COL6A6: variants seen among roughly 807,000 people sequenced by gnomAD.
COL6A6 encodes the protein collagen alpha-6(VI) chain.
Under a neutral mutation model 208.6 loss-of-function variants are expected in COL6A6, and 183 were observed. That is an observed-to-expected ratio of 0.88 (90% CI 0.78 to 0.99). COL6A6 has a LOEUF of 0.99. Ranked by LOEUF, COL6A6 falls within the 50% of genes least tolerant of loss-of-function variation. The pLI is 0.00. For missense variants in COL6A6, 2,816 were observed against 2,815.2 expected (o/e 1.00, Z -0.01); for synonymous variants, 973 against 1,011.8 (o/e 0.96, Z 0.73).
intron 1 of COL6A6, among the ~76,000 whole-genome samples, chr3:130,552,126 C>T (rs1343140024): frequency 6.6e-5 from 10 of 152,044 alleles, no homozygotes; most frequent in Middle Eastern, 3.2e-3. Context: ...TTGCTTTTGG[C>T]TGGAGAGTTC....
At chr3:130,650,610 CAAA>C (rs3074296) in intron 33 of COL6A6, among the ~76,000 whole-genome samples, 11 of 127,968 alleles carry the variant, frequency 8.6e-5, no homozygotes, top group African/African-American at 2.8e-4. Context: ...CCTCTGTCTC[CAAA>C]AAAAAAAAGA....
chr3:130,599,655 G>A (rs1022606251), intron 19 of COL6A6, 102 bp from the exon 20 acceptor site: 20 of 1,127,654 alleles, frequency 1.8e-5, no homozygotes, highest in Non-Finnish European at 2.5e-5. Flanking sequence ...TCTCATTGGT[G>A]TGTGAACCTA....
In COL6A6 at chr3:130,568,114, C is replaced by T. The variant is rs772150743; in HGVS notation, c.1911C>T (p.Asn637=). 2 of 1,613,986 alleles carry T rather than the reference C, an allele frequency of 1.2e-6. No homozygotes were observed. The highest frequency in any genetic ancestry group is 2.2e-5 in the South Asian group (2 of 91,086). Residue 637 remains asparagine, a synonymous_variant, in exon 6 of 37, where the codon AAC becomes AAT. Coordinates refer to ENST00000358511, the MANE Select transcript of COL6A6 (RefSeq NM_001102608.3). The stretch of plus-strand genomic sequence containing the variant: ...GTTCTGGAAGTATAGGACCTGAAAA[C>T]TTCAGCAAAATGAAAACATTTATGA... ...VDSSGSIGPE[N]FSKMKTFMKN... is the part of the protein sequence containing the mutation.
intron 1 of COL6A6, among the ~76,000 whole-genome samples, chr3:130,529,469 A>G (rs1286096093): frequency 6.6e-6 from 1 of 152,156 alleles, no homozygotes; most frequent in Non-Finnish European, 1.5e-5. Flanking sequence ...TGCAGATTGT[A>G]TGATGATATG....
At position 130,599,828 on chromosome 3, in the gene COL6A6, C is replaced by T; in HGVS notation, c.4653+18C>T. 1 of 1,612,762 alleles carries T rather than the reference C, an allele frequency of 6.2e-7. No homozygotes were observed. On this transcript the variant is annotated intron_variant, in intron 20 of 36. Transcript: ENST00000358511. ...GAAAGACAGTAAGAGCCCTTCTAGACAAGGAGACCCACTGTTTTGGTGGCT... is the reference window on the plus strand; with the variant it reads ...GAAAGACAGTAAGAGCCCTTCTAGATAAGGAGACCCACTGTTTTGGTGGCT...
chr3:130,561,630 T>C (rs1198803234), intron 2 of COL6A6, among the ~76,000 whole-genome samples: 1 of 139,722 alleles, frequency 7.2e-6, no homozygotes, highest in Non-Finnish European at 1.5e-5. Flanking sequence ...TCTAGTTGAA[T>C]CTACTTTTTT....
chr3:130,518,203 A>G (rs1376741349), intron 1 of COL6A6, among the ~76,000 whole-genome samples: 1 of 152,122 alleles, frequency 6.6e-6, no homozygotes, highest in Non-Finnish European at 1.5e-5. Flanking sequence ...GTGATAGGAG[A>G]GAGGGGTGGT....
chr3:130,552,962 A>G (rs1466470604), intron 1 of COL6A6, among the ~76,000 whole-genome samples: 1 of 152,252 alleles, frequency 6.6e-6, no homozygotes, highest in Non-Finnish European at 1.5e-5. Flanking sequence ...AATGCTGAAT[A>G]ATATAGGCCT....
rs188911769 is a variant in COL6A6 at position 130,594,344 on chromosome 3, G to C, written c.4533+1G>C. 1 of 1,611,890 alleles carries C rather than the reference G, an allele frequency of 6.2e-7. No individual in the cohort carries two copies. Among genetic ancestry groups the C allele is most frequent in the Non-Finnish European group, 8.5e-7 (1 of 1,178,830 alleles). ...AGCAAAGGGCCTGCGAGGGGATCCCGTAAGTGCACGGGCTGCAAACTGGAG... is the reference window on the plus strand; with the variant it reads ...AGCAAAGGGCCTGCGAGGGGATCCCCTAAGTGCACGGGCTGCAAACTGGAG... On this transcript the variant is annotated splice_donor_variant, in intron 18 of 36. Transcript: ENST00000358511. LOFTEE classifies it high-confidence loss of function.
At chr3:130,634,513 G>C in intron 26 of COL6A6, 77 bp from the exon 27 acceptor site, 7 of 1,287,088 alleles carry the variant, frequency 5.4e-6, no homozygotes. Context: ...ACACAGGGCA[G>C]CAGGTAAATT....
At chr3:130,599,993 T>C (rs1400208443) in intron 20 of COL6A6, among the ~76,000 whole-genome samples, 183 bp downstream of exon 20, 1 of 151,822 alleles carries the variant, frequency 6.6e-6, no homozygotes, top group Non-Finnish European at 1.5e-5. Context: ...GAAGCTGAGG[T>C]AGGAAAGTGC....
chr3:130,560,230 C>G, intron 1 of COL6A6, 104 bp from the exon 2 acceptor site: 2 of 611,466 alleles, frequency 3.3e-6, no homozygotes, highest in Middle Eastern at 2.8e-4. Context: ...ATTCCTTGTC[C>G]CCTGTTACAC....
intron 26 of COL6A6, among the ~76,000 whole-genome samples, chr3:130,629,761 G>T (rs1483142898): frequency 2.0e-4 from 1 of 5,062 alleles, no homozygotes; most frequent in Non-Finnish European, 2.5e-4. Context: ...TTAAAGAAAA[G>T]AATTTTCAAC....
Position 130,622,024 on chromosome 3 carries a change from C to G in COL6A6, c.4878+141C>G. 4.5e-6 allele frequency: 3 copies of G among 668,088 alleles called. No homozygotes were observed. The South Asian group carries it at 5.7e-5, about 13-fold the overall frequency. 41.4% of individuals were successfully genotyped at this position (668,088 alleles called of 1,614,324 possible). On this transcript the variant is annotated intron_variant, in intron 24 of 36. Transcript: ENST00000358511. The stretch of plus-strand genomic sequence containing the variant: ...AAACCCTGGCTTGATTCTTAGAGAG[C>G]CAACAACCTCTAAGGACATGGGTGT...
At chr3:130,604,273 C>T (rs1386175940) in intron 20 of COL6A6, among the ~76,000 whole-genome samples, 2 of 151,862 alleles carry the variant, frequency 1.3e-5, no homozygotes, top group Admixed American at 6.5e-5. Flanking sequence ...GCGGGCGGAT[C>T]ATGAGGTCAG....
At chr3:130,593,548 A>G (rs1250285167) in intron 17 of COL6A6, among the ~76,000 whole-genome samples, 4 of 152,206 alleles carry the variant, frequency 2.6e-5, no homozygotes, top group Admixed American at 1.3e-4. Context: ...TGCCCATGGC[A>G]GAAGCACAAG....
At chr3:130,549,717 G>T (rs186831902) in intron 1 of COL6A6, among the ~76,000 whole-genome samples, 1 of 152,202 alleles carries the variant, frequency 6.6e-6, no homozygotes, top group African/African-American at 2.4e-5. Context: ...GCAGCCTTAT[G>T]TCTGGGCTCT....
chr3:130,619,355 C>G (rs745454902), intron 23 of COL6A6, among the ~76,000 whole-genome samples: 4 of 151,976 alleles, frequency 2.6e-5, no homozygotes, highest in Non-Finnish European at 5.9e-5. Flanking sequence ...AAAAATGGAC[C>G]AGCTGAGGGA....
At chr3:130,522,804 A>G (rs771538642) in intron 1 of COL6A6, among the ~76,000 whole-genome samples, 1 of 151,966 alleles carries the variant, frequency 6.6e-6, no homozygotes, top group Non-Finnish European at 1.5e-5. Flanking sequence ...AAGTCTTACA[A>G]ATTTAATTTC....
Sources: allele counts gnomAD v4.1 joint callset (sites outside exome capture counted in the v4.1 genomes callset), GRCh38; gene constraint gnomAD v4.1.1; transcripts MANE v1.5; gene names NCBI Gene and HGNC (gene_info 2026-07-23, HGNC 2026-07-21).